PRKCH: variants seen among roughly 807,000 people sequenced by gnomAD.
The protein encoded by PRKCH is protein kinase C eta.
In PRKCH, 28 loss-of-function variants were observed where a neutral mutation model predicts 82.5. The ratio of observed to expected loss-of-function variants is 0.34; its 90% confidence interval spans 0.25 to 0.47. The LOEUF is 0.47. Among genes scored for constraint, PRKCH ranks in the 20% least tolerant of loss-of-function variants. The pLI, the probability that PRKCH is intolerant of heterozygous loss-of-function variation, is 1.00. For synonymous variants in PRKCH, 322 were observed against 327.4 expected, an observed-to-expected ratio of 0.98 and a Z score of 0.18; for missense variants, 705 against 881.8, an observed-to-expected ratio of 0.80 and a Z score of 2.54.
At chr14:61,528,967 GCCGCA>G in intron 10 of PRKCH, 103 bp from the exon 11 acceptor site, 6 of 922,990 alleles carry the variant, frequency 6.5e-6, no homozygotes, top group Non-Finnish European at 8.4e-6. Context: ...GCCGCATGTG[GCCGCA>G]CGTGTGTGTG....
At chr14:61,524,025 A>C (rs1232465315) in intron 10 of PRKCH, among the ~76,000 whole-genome samples, 1 of 152,216 alleles carries the variant, frequency 6.6e-6, no homozygotes, top group African/African-American at 2.4e-5. Context: ...AATTTCCCAT[A>C]ATAAAAGTTG....
intron 1 of PRKCH, among the ~76,000 whole-genome samples, chr14:61,352,366 GAT>G (rs1268827321): frequency 7.2e-4 from 109 of 152,196 alleles, no homozygotes; most frequent in African/African-American, 2.4e-3. Flanking sequence ...GATGCAGAAA[GAT>G]GTCCCAGATA....
intron 1 of PRKCH, among the ~76,000 whole-genome samples, chr14:61,310,892 G>A (rs2045518558): frequency 6.6e-6 from 1 of 152,232 alleles, no homozygotes; most frequent in African/African-American, 2.4e-5. Context: ...GCACCTGCAG[G>A]CCCAACGCCA....
intron 1 of PRKCH, among the ~76,000 whole-genome samples, chr14:61,297,168 T>G (rs2045412881): frequency 6.6e-6 from 1 of 152,238 alleles, no homozygotes; most frequent in Non-Finnish European, 1.5e-5. Context: ...AATGCTAGGC[T>G]ATGCAGAAGA....
At chr14:61,227,765 C>A (rs2044708921) in intron 1 of PRKCH, among the ~76,000 whole-genome samples, 2 of 151,924 alleles carry the variant, frequency 1.3e-5, no homozygotes, top group South Asian at 2.1e-4. Context: ...TTGCAGCAAC[C>A]TAATAGTAAG....
chr14:61,367,835 C>T (rs146399760), intron 1 of PRKCH, among the ~76,000 whole-genome samples: 1,833 of 151,680 alleles, frequency 0.012, 52 homozygotes, highest in African/African-American at 0.043. Context: ...CTGCCTCAGC[C>T]TTCCAAGTAG....
At chr14:61,214,548 A>C (rs1462538359) in intron 1 of PRKCH, among the ~76,000 whole-genome samples, 1 of 152,076 alleles carries the variant, frequency 6.6e-6, no homozygotes, top group Non-Finnish European at 1.5e-5. Context: ...TAAACAACAG[A>C]CATTTATTTC....
chr14:61,249,222 A>C (rs899259459), intron 1 of PRKCH, among the ~76,000 whole-genome samples: 5 of 152,104 alleles, frequency 3.3e-5, no homozygotes, highest in Admixed American at 6.5e-5. Flanking sequence ...ACCTATCCCC[A>C]CTTAGGTCTC....
chr14:61,391,753 C>G (rs1047363637), intron 2 of PRKCH, among the ~76,000 whole-genome samples: 66 of 152,264 alleles, frequency 4.3e-4, no homozygotes, highest in Non-Finnish European at 9.3e-4. Context: ...ACTCCCCCAT[C>G]CAATATTTTT....
intron 9 of PRKCH, among the ~76,000 whole-genome samples, chr14:61,483,572 G>A (rs529720011): frequency 1.2e-4 from 18 of 152,190 alleles, no homozygotes; most frequent in South Asian, 2.1e-4. Flanking sequence ...TAATTAAGGC[G>A]TTAGTTAAAA....
chr14:61,391,074 T>G, intron 1 of PRKCH, 151 bp from the exon 2 acceptor site: 1 of 582,442 alleles, frequency 1.7e-6, no homozygotes. Context: ...TTCACTTGTT[T>G]CCCTGCCACT....
intron 2 of PRKCH, among the ~76,000 whole-genome samples, chr14:61,401,276 A>G (rs12147491): frequency 0.53 from 81,201 of 152,100 alleles, 24,044 homozygotes; most frequent in Non-Finnish European, 0.66. Flanking sequence ...TGAAAATACA[A>G]TCAGTGAGTT....
intron 2 of PRKCH, among the ~76,000 whole-genome samples, chr14:61,402,593 A>G (rs907287385): frequency 1.1e-4 from 16 of 151,984 alleles, no homozygotes; most frequent in Admixed American, 2.6e-4. Context: ...TCAGGAGATC[A>G]AGACCATCCT....
At chr14:61,530,635 A>C (rs1369560293) in intron 12 of PRKCH, 40 bp downstream of exon 12, 2 of 1,541,212 alleles carry the variant, frequency 1.3e-6, no homozygotes, top group South Asian at 1.3e-5. Flanking sequence ...ATGTATTGCA[A>C]ACCAGCTTGT....
intron 1 of PRKCH, among the ~76,000 whole-genome samples, chr14:61,338,649 G>T (rs74695353): frequency 6.6e-6 from 1 of 152,124 alleles, no homozygotes; most frequent in African/African-American, 2.4e-5. Context: ...CCAACAGGGG[G>T]CATAAACAAG....
chr14:61,548,061 A>G (rs576599115), intron 13 of PRKCH, among the ~76,000 whole-genome samples, 175 bp downstream of exon 13: 1 of 152,300 alleles, frequency 6.6e-6, no homozygotes, highest in Admixed American at 6.5e-5. Context: ...ATGGGACAAC[A>G]ATGTCTTCAT....
intron 9 of PRKCH, among the ~76,000 whole-genome samples, chr14:61,482,680 T>C (rs924812565): frequency 1.3e-5 from 2 of 152,140 alleles, no homozygotes; most frequent in Admixed American, 6.5e-5. Flanking sequence ...AGACTCTGAA[T>C]GAAAAGAAAC....
At chr14:61,266,656 G>T (rs1195100809) in intron 1 of PRKCH, among the ~76,000 whole-genome samples, 2 of 152,176 alleles carry the variant, frequency 1.3e-5, no homozygotes. Flanking sequence ...ATGGAAACTT[G>T]TTTTACGAAG....
intron 1 of PRKCH, among the ~76,000 whole-genome samples, chr14:61,360,169 G>A (rs1017810766): frequency 3.3e-4 from 50 of 152,176 alleles, no homozygotes; most frequent in Admixed American, 2.6e-3. Flanking sequence ...GGAATATGTC[G>A]TGAGTAAATG....
Sources: gnomAD v4.1 joint callset for allele counts (sites outside exome capture counted in the v4.1 genomes callset) on GRCh38, gnomAD v4.1.1 for gene constraint, MANE v1.5 for transcripts, NCBI Gene and HGNC (gene_info 2026-07-23, HGNC 2026-07-21) for gene names.